Variants in ACVR1B observed in about 807,000 individuals in gnomAD.
ACVR1B encodes the protein activin A receptor type 1B.
ACVR1B carries 15 observed loss-of-function variants against 55.6 expected under a neutral mutation model. The observed-to-expected ratio is 0.27, with a 90% CI of 0.18 to 0.42. The LOEUF (loss-of-function observed/expected upper bound fraction) is 0.42. Among genes scored for constraint, ACVR1B ranks in the 10% least tolerant of loss-of-function variants. The pLI is 1.00. For missense variants in ACVR1B, 359 were observed against 670.1 expected, an observed-to-expected ratio of 0.54 and a Z score of 5.13; for synonymous variants, 247 against 254.6, an observed-to-expected ratio of 0.97 and a Z score of 0.28.
rs759588784 is a variant in ACVR1B at position 51,987,018 on chromosome 12, C to CT, written c.1261+79dup. 1.4e-5 allele frequency: 22 copies of CT among 1,602,290 alleles called. No homozygotes were observed. The African/African-American group carries it at 2.8e-4, about 20-fold the overall frequency. On this transcript the variant is annotated intron_variant, in intron 7 of 8. Transcript: ENST00000257963. ...TCACCCAAAGCTGTTTTACTGCCCCCTTTCTTTTTACAACCTGTTGGATGC... is the reference window on the plus strand; with the variant it reads ...TCACCCAAAGCTGTTTTACTGCCCCCTTTTCTTTTTACAACCTGTTGGATGC...
At chr12:51,976,766 C>G (rs1341620281) in intron 3 of ACVR1B, among the ~76,000 whole-genome samples, 191 bp downstream of exon 3, 1 of 152,216 alleles carries the variant, frequency 6.6e-6, no homozygotes, top group Non-Finnish European at 1.5e-5. Flanking sequence ...CAGAAAATCT[C>G]TCATTCCGTG....
intron 3 of ACVR1B, among the ~76,000 whole-genome samples, chr12:51,976,846 G>A (rs953949748): frequency 6.6e-6 from 1 of 152,148 alleles, no homozygotes; most frequent in Admixed American, 6.5e-5. Context: ...GCAACTGTAC[G>A]TACATCTATT....
intron 1 of ACVR1B, among the ~76,000 whole-genome samples, chr12:51,962,915 G>A (rs1468998471): frequency 6.6e-6 from 1 of 152,190 alleles, no homozygotes; most frequent in Non-Finnish European, 1.5e-5. Context: ...GCCAGGTGCT[G>A]TACTAGATAC....
At chr12:51,976,670 T>G in intron 3 of ACVR1B, 95 bp downstream of exon 3, 1 of 1,492,910 alleles carries the variant, frequency 6.7e-7, no homozygotes, top group Non-Finnish European at 9.1e-7. Context: ...GGCCCTGCAT[T>G]TGTTTCTACC....
At chr12:51,975,218 A>G (rs1275908374) in intron 1 of ACVR1B, 47 bp from the exon 2 acceptor site, 3 of 1,581,496 alleles carry the variant, frequency 1.9e-6, no homozygotes, top group African/African-American at 1.3e-5. Flanking sequence ...AGGACCTGCA[A>G]AAGATCTCAC....
chr12:51,962,615 T>C (rs1188086932), intron 1 of ACVR1B, among the ~76,000 whole-genome samples: 1 of 152,234 alleles, frequency 6.6e-6, no homozygotes, highest in Non-Finnish European at 1.5e-5. Flanking sequence ...TTCCTAGTTA[T>C]TGCCTTCCTG....
In ACVR1B at chr12:51,979,295, C is replaced by T. The variant is rs572877506; in HGVS notation, c.581-1674C>T. ...AGCCTGACCAACATGATGAAACCCC[C>T]ATCTCTACTAAAAATACAAAAATTA... On this transcript the variant is annotated intron_variant, in intron 3 of 8. Coordinates refer to ENST00000257963, the MANE Select transcript of ACVR1B (RefSeq NM_004302.5). 5.9e-5 allele frequency among the ~76,000 whole-genome samples: 9 copies of T among 151,556 alleles called. No individual in the cohort carries two copies. In the East Asian group the frequency reaches 1.7e-3, roughly 29 times the overall value.
rs1453337286 is a variant in ACVR1B, at chr12:51,975,365, C to T, written c.192C>T (p.His64=). 1 of 1,614,206 alleles carries T rather than the reference C, an allele frequency of 6.2e-7. No individual in the cohort carries two copies. Among genetic ancestry groups the T allele is most frequent in the Admixed American group, 1.7e-5 (1 of 60,028 alleles). ...TTTTCAATCTGGATGGGATGGAGCA[C>T]CATGTGCGCACCTGCATCCCCAAAG... The part of the protein sequence containing the change: ...VSIFNLDGME[H]HVRTCIPKVE... Residue 64 remains histidine, a synonymous_variant, in exon 2 of 9, where the codon CAC becomes CAT. Transcript: ENST00000257963.
intron 3 of ACVR1B, among the ~76,000 whole-genome samples, chr12:51,980,471 T>C (rs1384742009): frequency 1.3e-5 from 2 of 152,182 alleles, no homozygotes; most frequent in Admixed American, 6.5e-5. Context: ...AGAGCATTGC[T>C]CTCTTTGGAG....
intron 1 of ACVR1B, among the ~76,000 whole-genome samples, chr12:51,969,622 A>G (rs1233348550): frequency 1.3e-5 from 2 of 152,236 alleles, no homozygotes; most frequent in Non-Finnish European, 2.9e-5. Flanking sequence ...ATGCATGTGA[A>G]TAAAGAGAAA....
chr12:51,984,217 G>T (rs752440478), intron 5 of ACVR1B, 51 bp downstream of exon 5: 6 of 1,598,086 alleles, frequency 3.8e-6, no homozygotes, highest in Non-Finnish European at 5.1e-6. Flanking sequence ...TGAAAGGTCC[G>T]CAGTGTCCTG....
intron 2 of ACVR1B, 33 bp downstream of exon 2, chr12:51,975,537 A>G: frequency 6.3e-7 from 1 of 1,596,708 alleles, no homozygotes; most frequent in Non-Finnish European, 8.6e-7. Flanking sequence ...CTAGTGGCTC[A>G]GCTTGGAGAT....
intron 1 of ACVR1B, among the ~76,000 whole-genome samples, chr12:51,956,715 G>A (rs1003292722): frequency 6.6e-6 from 1 of 152,120 alleles, no homozygotes; most frequent in African/African-American, 2.4e-5. Flanking sequence ...GCGAGCCTCT[G>A]GTCACTTTTT....
At chr12:51,989,714 G>T (rs534120362) in intron 7 of ACVR1B, among the ~76,000 whole-genome samples, 1 of 152,116 alleles carries the variant, frequency 6.6e-6, no homozygotes, top group African/African-American at 2.4e-5. Context: ...GGCCGGGCGC[G>T]GTGGCTCATG....
At chr12:51,975,560 C>T in intron 2 of ACVR1B, 56 bp downstream of exon 2, 13 of 1,576,158 alleles carry the variant, frequency 8.2e-6, no homozygotes, top group Non-Finnish European at 1.1e-5. Flanking sequence ...GGTACCCCGT[C>T]ATTTCATTTT....
intron 1 of ACVR1B, among the ~76,000 whole-genome samples, chr12:51,962,015 A>G (rs1941539849): frequency 6.6e-6 from 1 of 152,222 alleles, no homozygotes; most frequent in Non-Finnish European, 1.5e-5. Flanking sequence ...AGGTCTCCTT[A>G]GCATAAACAT....
At chr12:51,972,582 C>G (rs1246827010) in intron 1 of ACVR1B, among the ~76,000 whole-genome samples, 2 of 152,144 alleles carry the variant, frequency 1.3e-5, no homozygotes, top group Non-Finnish European at 1.5e-5. Flanking sequence ...ACATTAACAG[C>G]CCCACTTTAC....
chr12:51,978,692 G>A (rs1241375013), intron 3 of ACVR1B, among the ~76,000 whole-genome samples: 2 of 10,854 alleles, frequency 1.8e-4, no homozygotes, highest in African/African-American at 2.4e-4. Flanking sequence ...TTAGCCGGGC[G>A]TGGTGGCGGC....
chr12:51,954,965 C>T (rs1401131841), intron 1 of ACVR1B, among the ~76,000 whole-genome samples: 2 of 152,056 alleles, frequency 1.3e-5, no homozygotes, highest in African/African-American at 4.8e-5. Context: ...TTTTGTAGAC[C>T]CCTTTCAGAT....
Sources: gnomAD v4.1 joint callset for allele counts (sites outside exome capture counted in the v4.1 genomes callset) on GRCh38, gnomAD v4.1.1 for gene constraint, MANE v1.5 for transcripts, NCBI Gene and HGNC (gene_info 2026-07-23, HGNC 2026-07-21) for gene names.